Variants in NDUFB1 observed in about 807,000 individuals in gnomAD.
NDUFB1 encodes the protein NADH:ubiquinone oxidoreductase subunit B1, also known as NADH dehydrogenase [ubiquinone] 1 beta subcomplex subunit 1.
In NDUFB1, 6 loss-of-function variants were observed where a neutral mutation model predicts 6.7. That is an observed-to-expected ratio of 0.89 (90% CI 0.49 to 1.76). The LOEUF (loss-of-function observed/expected upper bound fraction) is 1.76. Among genes scored for constraint, NDUFB1 ranks in the 40% most tolerant of loss-of-function variants. NDUFB1 has a pLI of 0.01. For missense variants in NDUFB1, 56 were observed against 71.0 expected, an observed-to-expected ratio of 0.79 and a Z score of 0.76; for synonymous variants, 17 against 22.9, an observed-to-expected ratio of 0.74 and a Z score of 0.74.
chr14:92,117,661 A>G lies in NDUFB1; in HGVS notation c.-5-19T>C, dbSNP rs1475316663. On this transcript the variant is annotated intron_variant, in intron 1 of 2. Coordinates refer to ENST00000605997, the MANE Select transcript of NDUFB1 (RefSeq NM_004545.4). The stretch of plus-strand genomic sequence containing the variant: ...ATGATAGCTAAAAGAAAAAAAAATT[A>G]TCAGAAATACAACTGCTTTGTTTTT... The G allele has an allele frequency of 6.2e-7, 1 of 1,605,442 alleles. No individual in the cohort carries two copies.
In NDUFB1 at chr14:92,121,664, G is replaced by A. The variant is rs766876813; in HGVS notation, c.-28C>T. ...CACCTGCAGCCTCAGCGCCTACAGC[G>A]ACCCCGAGACCAAGGGCAACAGGGA... On this transcript the variant is annotated 5_prime_UTR_variant, in exon 1 of 3. Coordinates refer to ENST00000605997, the MANE Select transcript of NDUFB1 (RefSeq NM_004545.4). The A allele has an allele frequency of 5.6e-6, 9 of 1,609,404 alleles. No homozygotes were observed. The Admixed American group carries it at 1.0e-4, about 18-fold the overall frequency.
intron 1 of NDUFB1, among the ~76,000 whole-genome samples, chr14:92,119,371 G>A (rs2068737808): frequency 6.6e-6 from 1 of 150,872 alleles, no homozygotes; most frequent in Non-Finnish European, 1.5e-5. Context: ...ATTTCTATAC[G>A]TAATGTGAAA....
At chr14:92,119,206 G>A (rs1185092137) in intron 1 of NDUFB1, among the ~76,000 whole-genome samples, 1 of 149,690 alleles carries the variant, frequency 6.7e-6, no homozygotes, top group Non-Finnish European at 1.5e-5. Context: ...CAGCTACTTC[G>A]GAGGCTGAGG....
At chr14:92,120,034 T>C (rs959648281) in intron 1 of NDUFB1, among the ~76,000 whole-genome samples, 7 of 152,308 alleles carry the variant, frequency 4.6e-5, no homozygotes, top group East Asian at 1.9e-4. Context: ...TCCAACATTC[T>C]GATCAGGGAT....
Position 92,116,245 on chromosome 14 carries a change from A to AAAAGG in NDUFB1, c.141-21_141-17dup, listed in dbSNP as rs758001511. On this transcript the variant is annotated splice_polypyrimidine_tract_variant and intron_variant, in intron 2 of 2. Transcript: ENST00000605997. ...TTGCAATTCCCTGTGTGGAAAGCAA[A>AAAAGG]AAAGGAAGAAATGGAAAAACTGTAA... 3.1e-6 allele frequency: 5 copies of AAAAGG among 1,610,316 alleles called. No homozygotes were observed. The highest frequency in any genetic ancestry group is 4.2e-6 in the Non-Finnish European group (5 of 1,177,580).
At chr14:92,116,878 G>A (rs1233264336) in intron 2 of NDUFB1, among the ~76,000 whole-genome samples, 3 of 152,168 alleles carry the variant, frequency 2.0e-5, no homozygotes, top group Non-Finnish European at 4.4e-5. Context: ...CCTGATTTGT[G>A]AATCACTTCT....
At chr14:92,118,302 T>TGCA (rs2068730523) in intron 1 of NDUFB1, 1 of 152,314 alleles carries the variant, frequency 6.6e-6, no homozygotes, top group East Asian at 1.9e-4. Context: ...CCTCATGTTG[T>TGCA]TTTGGAACTT....
At chr14:92,117,114 C>G (rs552614448) in intron 2 of NDUFB1, among the ~76,000 whole-genome samples, 1 of 152,324 alleles carries the variant, frequency 6.6e-6, no homozygotes, top group Admixed American at 6.5e-5. Context: ...AACACAGCAC[C>G]TAGCTGCTGT....
rs1251993950 is a variant in NDUFB1 at position 92,117,493 on chromosome 14, C to T, written c.140+5G>A. 1.9e-6 allele frequency: 3 copies of T among 1,612,138 alleles called. No individual in the cohort carries two copies. Among genetic ancestry groups the T allele is most frequent in the Non-Finnish European group, 2.5e-6 (3 of 1,179,922 alleles). On this transcript the variant is annotated splice_donor_5th_base_variant and intron_variant, in intron 2 of 2. Coordinates refer to ENST00000605997, the MANE Select transcript of NDUFB1 (RefSeq NM_004545.4). ...AATTGCTGGTTTAAAAAAATGCAGA[C>T]TAACCTTTTAAATAACATACTCTTG... is the stretch of plus-strand genomic sequence containing the variant.
At position 92,116,333 on chromosome 14, in the gene NDUFB1, T is replaced by TTTC. The variant is rs1229196612; in HGVS notation, c.141-105_141-104insGAA. 116 of 516,566 alleles carry TTTC rather than the reference T, an allele frequency of 2.2e-4. 1 individual carries two copies. Among genetic ancestry groups the TTTC allele is most frequent in the East Asian group, 1.3e-3 (34 of 26,036 alleles). 32.0% of individuals were successfully genotyped at this position (516,566 alleles called of 1,614,324 possible). A position where few individuals can be genotyped will look rare whatever the true frequency, so the allele number is the denominator to read the frequency against. ...GAATGATTGCAATATTTCATTTTCT[T>TTTC]TTTTTTTTTTTTTTTTTTGAGACGA... On this transcript the variant is annotated intron_variant, in intron 2 of 2. Transcript: ENST00000605997.
chr14:92,117,677 CTTTG>C (rs774232613), intron 1 of NDUFB1, 35 bp from the exon 2 acceptor site: 10 of 1,584,248 alleles, frequency 6.3e-6, no homozygotes, highest in South Asian at 1.1e-5. Flanking sequence ...AATACAACTG[CTTTG>C]TTTTTTTTTT....
At position 92,119,768 on chromosome 14, in the gene NDUFB1, C is replaced by CT. The variant is rs35366427; in HGVS notation, c.-6+1873dup. On this transcript the variant is annotated intron_variant, in intron 1 of 2. Transcript: ENST00000605997. ...AGCCTGAAGGTAATCTTATATGAAACTTTTTTTTTTTTTTAAATAGTCTCG... is the reference window on the plus strand; with the variant it reads ...AGCCTGAAGGTAATCTTATATGAAACTTTTTTTTTTTTTTTAAATAGTCTCG... 1.4e-3 allele frequency among the ~76,000 whole-genome samples: 208 copies of CT among 145,076 alleles called. 1 individual carries two copies. The highest frequency in any genetic ancestry group is 4.2e-3 in the Admixed American group (61 of 14,400).
intron 2 of NDUFB1, among the ~76,000 whole-genome samples, chr14:92,117,041 A>C (rs996027810): frequency 3.3e-5 from 5 of 152,232 alleles, no homozygotes; most frequent in Admixed American, 1.3e-4. Context: ...CAATGGGACC[A>C]GGCAGCTGCC....
intron 1 of NDUFB1, among the ~76,000 whole-genome samples, chr14:92,120,058 T>C (rs544707523): frequency 1.0e-4 from 15 of 150,674 alleles, no homozygotes; most frequent in African/African-American, 3.4e-4. Flanking sequence ...GAACCTGTAA[T>C]AGACATCATG....
At chr14:92,117,911 T>A in intron 1 of NDUFB1, 2 of 380,368 alleles carry the variant, frequency 5.3e-6, no homozygotes, top group South Asian at 2.4e-5. Context: ...GGCAGGAGAA[T>A]TGCTTGAACC....
chr14:92,121,214 T>C (rs2141441179), intron 1 of NDUFB1: 1 of 229,332 alleles, frequency 4.4e-6, no homozygotes, highest in African/African-American at 2.3e-5. Context: ...GGCGCAACGG[T>C]GTCGGCTCAA....
chr14:92,119,209 G>A (rs568982720), intron 1 of NDUFB1, among the ~76,000 whole-genome samples: 2 of 149,088 alleles, frequency 1.3e-5, no homozygotes, highest in East Asian at 2.0e-4. Context: ...CTACTTCGGA[G>A]GCTGAGGTGG....
chr14:92,118,281 G>A (rs1434050909), intron 1 of NDUFB1: 2 of 152,392 alleles, frequency 1.3e-5, no homozygotes, highest in Non-Finnish European at 2.9e-5. Flanking sequence ...ACAGCTGATT[G>A]TTTGCACCCT....
In NDUFB1 at chr14:92,121,662, G is replaced by C. The variant is rs761393056; in HGVS notation, c.-26C>G. 2 of 1,610,128 alleles carry C rather than the reference G, an allele frequency of 1.2e-6. No homozygotes were observed. The highest frequency in any genetic ancestry group is 1.7e-6 in the Non-Finnish European group (2 of 1,178,814). On this transcript the variant is annotated 5_prime_UTR_variant, in exon 1 of 3. Coordinates refer to ENST00000605997, the MANE Select transcript of NDUFB1 (RefSeq NM_004545.4). ...CCCACCTGCAGCCTCAGCGCCTACAGCGACCCCGAGACCAAGGGCAACAGG... is the reference window on the plus strand; with the variant it reads ...CCCACCTGCAGCCTCAGCGCCTACACCGACCCCGAGACCAAGGGCAACAGG...
Sources: gnomAD v4.1 joint callset for allele counts (sites outside exome capture counted in the v4.1 genomes callset) on GRCh38, gnomAD v4.1.1 for gene constraint, MANE v1.5 for transcripts, NCBI Gene and HGNC (gene_info 2026-07-23, HGNC 2026-07-21) for gene names.